MMRN1: variants seen among roughly 807,000 people sequenced by gnomAD.
MMRN1 encodes the protein multimerin 1.
MMRN1 carries 94 observed loss-of-function variants against 100.7 expected under a neutral mutation model. The observed-to-expected ratio is 0.93, with a 90% confidence interval of 0.79 to 1.11. MMRN1 has a LOEUF of 1.11. MMRN1 is among the 50% of genes least tolerant of loss of function. MMRN1 has a pLI of 0.00. For missense variants in MMRN1, 1,606 were observed against 1,439.1 expected (o/e 1.12, Z -1.88); for synonymous variants, 575 against 505.0 (o/e 1.14, Z -1.86).
At chr4:89,952,131 T>C (rs1291106177) in intron 7 of MMRN1, among the ~76,000 whole-genome samples, 1 of 152,162 alleles carries the variant, frequency 6.6e-6, no homozygotes, top group African/African-American at 2.4e-5. Flanking sequence ...TTATGTCTGG[T>C]ATGGTCATTT....
intron 6 of MMRN1, among the ~76,000 whole-genome samples, chr4:89,950,007 T>C (rs962823954): frequency 5.3e-5 from 8 of 152,214 alleles, no homozygotes; most frequent in African/African-American, 1.7e-4. Flanking sequence ...GCAAGTAGTA[T>C]AAGCGCTGAA....
At position 89,886,004 on chromosome 4, in the gene MMRN1, TTTTTTTA is replaced by T. The variant is rs565467283; in HGVS notation, c.-249+6419_-249+6425del. ...CAATAATATCATCCCTTTCTTCTTC[TTTTTTTA>T]TTTTTTATTTTTTATTAGCAACTAT... is the stretch of plus-strand genomic sequence containing the variant. On this transcript the variant is annotated intron_variant, in intron 1 of 8. Transcript: ENST00000394980. Among the ~76,000 whole-genome samples the T allele has an allele frequency of 5.3e-4, 80 of 151,830 alleles. 1 individual carries two copies. Among genetic ancestry groups the T allele is most frequent in the African/African-American group, 1.6e-3 (67 of 41,388 alleles).
At chr4:89,915,731 G>T (rs1347654095) in intron 3 of MMRN1, among the ~76,000 whole-genome samples, 2 of 151,506 alleles carry the variant, frequency 1.3e-5, no homozygotes, top group Non-Finnish European at 3.0e-5. Flanking sequence ...TAACTGTCCT[G>T]GGAGAAAAGC....
intron 6 of MMRN1, among the ~76,000 whole-genome samples, chr4:89,943,293 C>T (rs1382939840): frequency 1.3e-5 from 2 of 152,086 alleles, no homozygotes; most frequent in Non-Finnish European, 2.9e-5. Context: ...AACCTAAATT[C>T]GGTGACTTTA....
chr4:89,887,956 T>G (rs753330158), intron 1 of MMRN1, among the ~76,000 whole-genome samples: 2 of 151,962 alleles, frequency 1.3e-5, no homozygotes, highest in East Asian at 3.8e-4. Flanking sequence ...TCTTCTTTAT[T>G]TCCTCCAATT....
chr4:89,917,736 C>A (rs1721967047), intron 3 of MMRN1, among the ~76,000 whole-genome samples: 1 of 151,832 alleles, frequency 6.6e-6, no homozygotes, highest in Non-Finnish European at 1.5e-5. Flanking sequence ...TAATGATTTA[C>A]CCATCAGATT....
intron 1 of MMRN1, among the ~76,000 whole-genome samples, chr4:89,886,191 C>T (rs1367182340): frequency 6.6e-6 from 1 of 151,394 alleles, no homozygotes; most frequent in African/African-American, 2.4e-5. Context: ...GTGCCTGGCC[C>T]CTTTCTTCTA....
At chr4:89,928,095 T>A (rs987620657) in intron 5 of MMRN1, 127 bp downstream of exon 5, 94 of 656,582 alleles carry the variant, frequency 1.4e-4, no homozygotes, top group Non-Finnish European at 2.1e-4. Context: ...AGAAAGATTT[T>A]TTTTAATGAG....
At chr4:89,925,331 A>G (rs1344346611) in intron 4 of MMRN1, among the ~76,000 whole-genome samples, 5 of 52,784 alleles carry the variant, frequency 9.5e-5, no homozygotes, top group Non-Finnish European at 2.0e-4. Flanking sequence ...TTTTTTTTGT[A>G]GAGACGAGGT....
chr4:89,923,085 CA>C (rs1722140843), intron 3 of MMRN1, 82 bp from the exon 4 acceptor site: 9 of 1,111,128 alleles, frequency 8.1e-6, no homozygotes, highest in Non-Finnish European at 1.2e-5. Flanking sequence ...AAATGAATGT[CA>C]GCCAAATTAT....
In MMRN1 at chr4:89,935,604, T is replaced by C; in HGVS notation, c.1924T>C (p.Leu642=). The change falls in exon 6 of 8, where the codon TTG becomes CTG. Residue 642 remains leucine (L), a synonymous_variant. Transcript: ENST00000264790. The stretch of plus-strand genomic sequence containing the variant: ...CAAAATGAGTGAGCAACTAAATGAT[T>C]TGACTTATGATATGGAGATCCTTCA... ...MDKMSEQLND[L]TYDMEILQPL... The C allele has an allele frequency of 6.2e-7, 1 of 1,613,540 alleles. No individual in the cohort carries two copies. Among genetic ancestry groups the C allele is most frequent in the Non-Finnish European group, 8.5e-7 (1 of 1,179,722 alleles).
At chr4:89,890,957 C>T (rs903143978), upstream of MMRN1, among the ~76,000 whole-genome samples, 2 of 151,838 alleles carry the variant, frequency 1.3e-5, no homozygotes, top group African/African-American at 2.4e-5. Context: ...TCTTCCCTTT[C>T]CTGCCAGCCC....
Position 89,909,665 on chromosome 4 carries a change from T to G in MMRN1, c.743+270T>G, listed in dbSNP as rs554120350. Among the ~76,000 whole-genome samples, 124 of 151,636 alleles carry G rather than the reference T, an allele frequency of 8.2e-4. 1 individual carries two copies. Among genetic ancestry groups the G allele is most frequent in the African/African-American group, 2.9e-3 (122 of 41,470 alleles). On this transcript the variant is annotated intron_variant, in intron 2 of 7. Transcript: ENST00000264790. ...AATAAATGTTAATTATCATGCTTAT[T>G]TCTATTTTTACTATCACTATTACTT...
At chr4:89,909,840 A>G (rs1721691289) in intron 2 of MMRN1, among the ~76,000 whole-genome samples, 1 of 151,450 alleles carries the variant, frequency 6.6e-6, no homozygotes, top group African/African-American at 2.4e-5. Flanking sequence ...TCTAGTTACA[A>G]TTATGCATGG....
intron 1 of MMRN1, among the ~76,000 whole-genome samples, chr4:89,881,126 C>A (rs1268723372): frequency 1.3e-5 from 2 of 152,044 alleles, no homozygotes; most frequent in Non-Finnish European, 2.9e-5. Flanking sequence ...TGACTAATTT[C>A]TTTAATTTAA....
chr4:89,922,048 C>T (rs1224661152), intron 3 of MMRN1, among the ~76,000 whole-genome samples: 8 of 152,042 alleles, frequency 5.3e-5, no homozygotes, highest in Admixed American at 3.3e-4. Context: ...AAATTAAAGC[C>T]ATATTATTTG....
intron 4 of MMRN1, among the ~76,000 whole-genome samples, chr4:89,924,308 ATT>A (rs1373964403): frequency 6.6e-6 from 1 of 152,100 alleles, no homozygotes; most frequent in Admixed American, 6.6e-5. Context: ...CTTTGAAATA[ATT>A]TTTTTAAAAC....
intron 1 of MMRN1, among the ~76,000 whole-genome samples, chr4:89,907,275 TCTTA>T (rs1349846414): frequency 6.6e-6 from 1 of 151,590 alleles, no homozygotes; most frequent in African/African-American, 2.4e-5. Flanking sequence ...CAGCATGTCT[TCTTA>T]CTTCTTTAAG....
At chr4:89,906,679 T>C (rs2110592000) in intron 1 of MMRN1, among the ~76,000 whole-genome samples, 1 of 151,672 alleles carries the variant, frequency 6.6e-6, no homozygotes, top group Non-Finnish European at 1.5e-5. Context: ...TCAGATAATT[T>C]GGCTTTAAAA....
Sources: allele counts gnomAD v4.1 joint callset (sites outside exome capture counted in the v4.1 genomes callset), GRCh38; gene constraint gnomAD v4.1.1; transcripts MANE v1.5; gene names NCBI Gene and HGNC (gene_info 2026-07-23, HGNC 2026-07-21).